The following SMTN variants were observed in gnomAD, a reference collection of about 807,000 sequenced individuals.
SMTN encodes smoothelin.
A neutral mutation model predicts 102.0 loss-of-function variants in SMTN; 58 were observed. That is an observed-to-expected ratio of 0.57 (90% confidence interval 0.46 to 0.71). The LOEUF (loss-of-function observed/expected upper bound fraction) is 0.71, where lower values mean the gene tolerates loss of function less well. Ranked by LOEUF, SMTN falls within the 30% of genes least tolerant of loss-of-function variation. The probability of loss-of-function intolerance (pLI) is 0.00; values close to 1 mark genes in which losing one functional copy is unlikely to be tolerated. For synonymous variants in SMTN, 478 were observed against 497.9 expected (o/e 0.96, Z 0.53); for missense variants, 1,185 against 1,241.7 (o/e 0.95, Z 0.69).
chr22:31,100,018 AC>A, intron 19 of SMTN, 122 bp downstream of exon 19: 1 of 925,492 alleles, frequency 1.1e-6, no homozygotes, highest in Non-Finnish European at 1.6e-6. Context: ...AGCGGCTGAG[AC>A]CCCCTTCCCC....
At chr22:31,098,599 C>T (rs2043797921) in intron 16 of SMTN, 68 bp from the exon 17 acceptor site, 4 of 1,517,154 alleles carry the variant, frequency 2.6e-6, no homozygotes, top group Non-Finnish European at 3.6e-6. Context: ...CTCCTCCTCG[C>T]GAGTGGTGGT....
At chr22:31,098,404 T>G (rs1338987215) in intron 16 of SMTN, among the ~76,000 whole-genome samples, 2 of 149,492 alleles carry the variant, frequency 1.3e-5, no homozygotes, top group Non-Finnish European at 3.0e-5. Context: ...CCCTGTAACT[T>G]GAGGGTACAA....
chr22:31,081,577 G>C lies in SMTN; in HGVS notation c.-81+121G>C, dbSNP rs2286214. On this transcript the variant is annotated intron_variant, in intron 1 of 20. Transcript: ENST00000333137. ...CCTGGGAGCCCCCACCCATACGAGA[G>C]GTCTAAGCCATGGGATAAAGTTATG... is the stretch of plus-strand genomic sequence containing the variant. 880 of 152,384 alleles carry C rather than the reference G, an allele frequency of 5.8e-3. 7 individuals are homozygous for C. Among genetic ancestry groups the C allele is most frequent in the African/African-American group, 0.015 (617 of 41,548 alleles). The allele number at this position is 152,384 out of a possible 1,614,324, so 9.4% of individuals were successfully genotyped here. A position where few individuals can be genotyped will look rare whatever the true frequency, so the allele number is the denominator to read the frequency against.
At chr22:31,093,293 A>C in intron 11 of SMTN, 1 of 295,150 alleles carries the variant, frequency 3.4e-6, no homozygotes, top group Non-Finnish European at 6.6e-6. Context: ...CTGCAGCTCC[A>C]GCTGGCTGGT....
Position 31,097,335 on chromosome 22 carries a change from G to A in SMTN, c.2156G>A (p.Gly719Asp). Reference sequence around the variant, plus strand: ...TCTTCCTCCTCATCCAAGAAGATGGGCAGGTGAGCACCAGCACCCAATCCC... The same window carrying A: ...TCTTCCTCCTCATCCAAGAAGATGGACAGGTGAGCACCAGCACCCAATCCC... ...FSSSSSSKKM[G>D]SIFDREDQAS... Residue 719 changes from glycine to aspartate, a missense_variant, in exon 16 of 21, where the codon GGC becomes GAC. Around this residue, in one of 2 missense-constraint regions of SMTN, gnomAD observed 1,096 missense variants for 1,112.7 expected, o/e 0.98. Coordinates refer to ENST00000333137, the MANE Select transcript of SMTN (RefSeq NM_134269.3). The A allele has an allele frequency of 6.2e-7, 1 of 1,613,850 alleles. No homozygotes were observed. The highest frequency in any genetic ancestry group is 8.5e-7 in the Non-Finnish European group (1 of 1,179,810).
chr22:31,070,156 G>A (rs963272294), intron 1 of SMTN, among the ~76,000 whole-genome samples: 6 of 152,062 alleles, frequency 3.9e-5, no homozygotes, highest in African/African-American at 1.4e-4. Flanking sequence ...ACCTTCCATG[G>A]CTCCCTGCAG....
At chr22:31,072,003 C>T (rs1246213650) in intron 1 of SMTN, among the ~76,000 whole-genome samples, 11 of 152,122 alleles carry the variant, frequency 7.2e-5, no homozygotes, top group Admixed American at 7.2e-4. Flanking sequence ...GCCATATTGC[C>T]ATCTCTTAAT....
At chr22:31,083,472 G>A in intron 2 of SMTN, 163 bp downstream of exon 2, 1 of 827,974 alleles carries the variant, frequency 1.2e-6, no homozygotes, top group East Asian at 2.8e-5. Flanking sequence ...CTGATGCAGA[G>A]GCCCTTGTGG....
At chr22:31,088,152 A>G (rs1456918007) in intron 3 of SMTN, 39 bp downstream of exon 3, 1 of 1,557,644 alleles carries the variant, frequency 6.4e-7, no homozygotes. Context: ...TGAGAAGGTG[A>G]GTGTGAGCCC....
At chr22:31,076,851 T>C (rs2042141318), upstream of SMTN, among the ~76,000 whole-genome samples, 1 of 152,186 alleles carries the variant, frequency 6.6e-6, no homozygotes, top group Admixed American at 6.5e-5. Context: ...TGGTAAAATA[T>C]TCATTCTCGG....
At chr22:31,099,721 G>A in intron 18 of SMTN, 24 bp from the exon 19 acceptor site, 4 of 1,610,894 alleles carry the variant, frequency 2.5e-6, no homozygotes, top group Non-Finnish European at 3.4e-6. Flanking sequence ...CCAGGTTCCT[G>A]ACCAGTCCTC....
chr22:31,070,820 A>G (rs1466297290), intron 1 of SMTN, among the ~76,000 whole-genome samples: 1 of 149,718 alleles, frequency 6.7e-6, no homozygotes, highest in Non-Finnish European at 1.5e-5. Flanking sequence ...GCTACTTGGG[A>G]GGCTGAGGCA....
At chr22:31,082,846 A>G in intron 1 of SMTN, 1 of 1,520,118 alleles carries the variant, frequency 6.6e-7, no homozygotes, top group Non-Finnish European at 8.9e-7. Context: ...TGGTAAGCAC[A>G]GCTTGGGTGG....
intron 2 of SMTN, chr22:31,084,882 G>C: frequency 8.8e-7 from 1 of 1,129,974 alleles, no homozygotes; most frequent in Non-Finnish European, 1.2e-6. Context: ...CCGCGCGCCG[G>C]CCCGGCCCCC....
chr22:31,071,887 G>A (rs1486857842), intron 1 of SMTN, among the ~76,000 whole-genome samples: 1 of 151,760 alleles, frequency 6.6e-6, no homozygotes, highest in Non-Finnish European at 1.5e-5. Context: ...GTAGAGATGG[G>A]GTTTTGCCAT....
Position 31,095,580 on chromosome 22 carries a change from C to T in SMTN, c.1832C>T (p.Ala611Val), listed in dbSNP as rs756541844. Residue 611 changes from alanine (A) to valine (V), a missense_variant, in exon 13 of 21, where the codon GCA becomes GTA. Transcript: ENST00000333137. The surrounding 1 kb of genome is among the most constrained non-coding windows in gnomAD (Gnocchi z 4.1). ...GAAGAGCGGAAGCTCATCCGGGCTG[C>T]ACTTCGTGAGCTCCGACAAAGGAAG... Reference protein sequence around the residue: ...DFEERKLIRAALRELRQRKRD... With the variant: ...DFEERKLIRAVLRELRQRKRD... The T allele has an allele frequency of 1.8e-5, 29 of 1,613,722 alleles. 1 individual carries two copies. Among genetic ancestry groups the T allele is most frequent in the Non-Finnish European group, 2.5e-5 (29 of 1,179,950 alleles).
intron 18 of SMTN, 110 bp from the exon 19 acceptor site, chr22:31,099,635 G>A (rs1431845322): frequency 1.0e-5 from 12 of 1,167,914 alleles, no homozygotes; most frequent in African/African-American, 1.5e-5. Context: ...TGCAAGCTAC[G>A]GGGCCTCTTT....
chr22:31,100,853 C>G, intron 19 of SMTN, 32 bp from the exon 20 acceptor site: 1 of 1,035,868 alleles, frequency 9.7e-7, no homozygotes, highest in Non-Finnish European at 1.4e-6. Flanking sequence ...GCCCCCGTCC[C>G]CCACCCCTTC....
chr22:31,100,335 T>C (rs1257084049), intron 19 of SMTN, among the ~76,000 whole-genome samples: 1 of 152,254 alleles, frequency 6.6e-6, no homozygotes, highest in South Asian at 2.1e-4. Context: ...GAGGCTTATA[T>C]AGGACCTCAG....
Sources: gnomAD v4.1 joint callset for allele counts (sites outside exome capture counted in the v4.1 genomes callset) on GRCh38, gnomAD v4.1.1 for gene constraint, gnomAD v4.1.1 regional missense constraint, Gnocchi (gnomAD v3.1) non-coding constraint, MANE v1.5 for transcripts, NCBI Gene and HGNC (gene_info 2026-07-23, HGNC 2026-07-21) for gene names.